Variants in KRT8 observed in about 807,000 individuals in gnomAD.
KRT8 encodes the protein keratin 8, also known as keratin, type II cytoskeletal 8.
KRT8 carries 24 observed loss-of-function variants against 43.0 expected under a neutral mutation model. That is an observed-to-expected ratio of 0.56 (90% CI 0.40 to 0.78). KRT8 has a LOEUF of 0.78. Ranked by LOEUF, KRT8 falls within the 30% of genes least tolerant of loss-of-function variation. The probability of loss-of-function intolerance (pLI) is 0.00; values close to 1 mark genes in which losing one functional copy is unlikely to be tolerated. For synonymous variants in KRT8, 214 were observed against 261.2 expected, an observed-to-expected ratio of 0.82 and a Z score of 1.74; for missense variants, 492 against 638.4, an observed-to-expected ratio of 0.77 and a Z score of 2.47.
chr12:52,943,366 G>GC (rs2120738524), intron 2 of KRT8, among the ~76,000 whole-genome samples: 1 of 152,078 alleles, frequency 6.6e-6, no homozygotes, highest in South Asian at 2.1e-4. Context: ...GGCCCTGTGG[G>GC]CCCCCCTTCC....
At chr12:52,908,879 G>A (rs546621675), upstream of KRT8, among the ~76,000 whole-genome samples, 2 of 152,270 alleles carry the variant, frequency 1.3e-5, no homozygotes, top group African/African-American at 2.4e-5. Context: ...GGCGGCACAC[G>A]CCTGTAGTCC....
At chr12:52,933,397 A>G (rs115799366) in intron 2 of KRT8, among the ~76,000 whole-genome samples, 2 of 152,224 alleles carry the variant, frequency 1.3e-5, no homozygotes, top group Non-Finnish European at 2.9e-5. Context: ...AGTATAAAAC[A>G]TTAATGAGAG....
chr12:52,904,274 C>T (rs1592165910), intron 1 of KRT8, among the ~76,000 whole-genome samples: 1 of 152,148 alleles, frequency 6.6e-6, no homozygotes, highest in East Asian at 1.9e-4. Flanking sequence ...ACGGTCAGAA[C>T]TCGGGTTGGG....
At chr12:52,921,059 T>C (rs1941876628) in intron 2 of KRT8, among the ~76,000 whole-genome samples, 1 of 152,168 alleles carries the variant, frequency 6.6e-6, no homozygotes, top group African/African-American at 2.4e-5. Flanking sequence ...CATAGGCCTT[T>C]AGGAAAATCT....
chr12:52,903,330 G>A (rs1941422602), intron 1 of KRT8, among the ~76,000 whole-genome samples: 1 of 152,208 alleles, frequency 6.6e-6, no homozygotes, highest in Non-Finnish European at 1.5e-5. Context: ...AACCGGCAGA[G>A]CAGTGCGAAC....
intron 2 of KRT8, among the ~76,000 whole-genome samples, chr12:52,941,478 C>CT (rs774607187): frequency 0.02 from 1,449 of 72,566 alleles, 160 homozygotes; most frequent in African/African-American, 0.044. Flanking sequence ...AGTTTTTGCT[C>CT]TTTTTTTTTT....
At chr12:52,919,500 C>T (rs1360164043) in intron 2 of KRT8, among the ~76,000 whole-genome samples, 1 of 151,914 alleles carries the variant, frequency 6.6e-6, no homozygotes, top group East Asian at 1.9e-4. Context: ...ACTGCTGGCC[C>T]CAAGTGATCT....
intron 2 of KRT8, chr12:52,948,918 T>G: frequency 2.3e-6 from 1 of 428,484 alleles, no homozygotes. Context: ...CATGCCCGGT[T>G]GGCCACCCCG....
At chr12:52,940,918 A>C (rs915544023) in intron 2 of KRT8, among the ~76,000 whole-genome samples, 11 of 151,612 alleles carry the variant, frequency 7.3e-5, no homozygotes, top group Non-Finnish European at 8.8e-5. Flanking sequence ...GAGCCACCAC[A>C]CCCAGCCTGG....
At chr12:52,902,530 C>G (rs1941397951) in intron 1 of KRT8, among the ~76,000 whole-genome samples, 1 of 152,058 alleles carries the variant, frequency 6.6e-6, no homozygotes, top group Admixed American at 6.6e-5. Flanking sequence ...GCTACAGGCA[C>G]CTGCCTGCCA....
chr12:52,948,832 G>C, intron 2 of KRT8: 1 of 413,584 alleles, frequency 2.4e-6, no homozygotes. Flanking sequence ...CCTCCACCTG[G>C]GGGAGAAGAG....
intron 3 of KRT8, 200 bp downstream of exon 3, chr12:52,900,959 C>G (rs1592163395): frequency 1.5e-6 from 1 of 653,478 alleles, no homozygotes. Flanking sequence ...GAACCATGTC[C>G]CAACACCGAT....
chr12:52,912,071 T>G (rs1482428274), intron 2 of KRT8, among the ~76,000 whole-genome samples: 1 of 152,128 alleles, frequency 6.6e-6, no homozygotes, highest in African/African-American at 2.4e-5. Flanking sequence ...TTTTAAAAAG[T>G]GGTCTGGCAG....
At chr12:52,940,679 G>A (rs918993943) in intron 2 of KRT8, among the ~76,000 whole-genome samples, 6 of 148,488 alleles carry the variant, frequency 4.0e-5, no homozygotes, top group Admixed American at 6.7e-5. Context: ...AGGCTGGAGT[G>A]CAGTTGCGCC....
intron 2 of KRT8, among the ~76,000 whole-genome samples, chr12:52,924,889 C>T (rs574972377): frequency 2.0e-5 from 3 of 152,208 alleles, no homozygotes; most frequent in East Asian, 1.9e-4. Context: ...AACTAAGCAC[C>T]GAAAGGGAGT....
chr12:52,898,634 C>G (rs776235791), intron 6 of KRT8, 45 bp downstream of exon 6: 1 of 1,613,212 alleles, frequency 6.2e-7, no homozygotes, highest in Non-Finnish European at 8.5e-7. Context: ...CACCCCAGGT[C>G]CCAGGGATAG....
At chr12:52,906,949 G>A, upstream of KRT8, 1 of 357,230 alleles carries the variant, frequency 2.8e-6, no homozygotes, top group South Asian at 2.1e-5. Flanking sequence ...AACTTAAAAA[G>A]ACAGACACAC....
At chr12:52,911,118 G>A (rs1400969303), upstream of KRT8, among the ~76,000 whole-genome samples, 2 of 152,094 alleles carry the variant, frequency 1.3e-5, no homozygotes, top group South Asian at 2.1e-4. Flanking sequence ...TTGGGAGGCC[G>A]AGGCGGGCTG....
chr12:52,918,486 G>A (rs756949226), intron 2 of KRT8, among the ~76,000 whole-genome samples: 1 of 152,142 alleles, frequency 6.6e-6, no homozygotes, highest in Non-Finnish European at 1.5e-5. Flanking sequence ...TCTGAGCCCC[G>A]CCAGACAGAC....
Sources: allele counts gnomAD v4.1 joint callset (sites outside exome capture counted in the v4.1 genomes callset), GRCh38; gene constraint gnomAD v4.1.1; transcripts MANE v1.5; gene names NCBI Gene and HGNC (gene_info 2026-07-23, HGNC 2026-07-21).